The following RBM47 variants were observed in gnomAD, a reference collection of about 807,000 sequenced individuals.
RBM47 encodes RNA binding motif protein 47, also known as RNA-binding protein 47.
RBM47 carries 21 observed loss-of-function variants against 47.1 expected under a neutral mutation model. That is an observed-to-expected ratio of 0.45 (90% CI 0.32 to 0.64). The LOEUF (loss-of-function observed/expected upper bound fraction) is 0.64, where lower values mean the gene tolerates loss of function less well. RBM47 is among the 30% of genes least tolerant of loss of function. The pLI, the probability that RBM47 is intolerant of heterozygous loss-of-function variation, is 0.05. For missense variants in RBM47, 708 were observed against 870.9 expected (o/e 0.81, Z 2.35); for synonymous variants, 375 against 361.7 (o/e 1.04, Z -0.42).
At chr4:40,497,776 C>T (rs997681250) in intron 2 of RBM47, among the ~76,000 whole-genome samples, 1 of 149,998 alleles carries the variant, frequency 6.7e-6, no homozygotes, top group African/African-American at 2.5e-5. Context: ...GAGTTCAAAA[C>T]CAGCCTGGGC....
chr4:40,546,473 T>C (rs944433704), intron 1 of RBM47, among the ~76,000 whole-genome samples: 4 of 152,240 alleles, frequency 2.6e-5, no homozygotes, highest in Non-Finnish European at 4.4e-5. Flanking sequence ...GAAGATTTTA[T>C]TATACTACTG....
Position 40,498,057 on chromosome 4 carries a change from TATA to T in RBM47, c.-154-31361_-154-31359del, listed in dbSNP as rs1722863433. On this transcript the variant is annotated intron_variant, in intron 2 of 6. Coordinates refer to ENST00000295971, the MANE Select transcript of RBM47 (RefSeq NM_001098634.2). ...AAATAAAATGTAAGTGCTTGTTTTA[TATA>T]TATATATATATATATATATGTTTAT... 7.5e-5 allele frequency among the ~76,000 whole-genome samples: 5 copies of T among 66,350 alleles called. 1 individual carries two copies. Among genetic ancestry groups the T allele is most frequent in the East Asian group, 8.0e-4 (1 of 1,246 alleles). 43.5% of individuals were successfully genotyped at this position (66,350 alleles called of 152,430 possible).
chr4:40,512,811 G>T (rs1314061028), intron 2 of RBM47, among the ~76,000 whole-genome samples: 3 of 151,908 alleles, frequency 2.0e-5, no homozygotes, highest in African/African-American at 7.3e-5. Context: ...ACTGGTCAGG[G>T]TTTCTATTTT....
chr4:40,607,702 G>A (rs1156669687), intron 1 of RBM47, among the ~76,000 whole-genome samples: 3 of 150,788 alleles, frequency 2.0e-5, no homozygotes, highest in African/African-American at 4.9e-5. Flanking sequence ...GTGAGACCAT[G>A]TCTCAAAGTA....
At chr4:40,620,435 G>A (rs556869428) in intron 1 of RBM47, among the ~76,000 whole-genome samples, 2 of 152,046 alleles carry the variant, frequency 1.3e-5, no homozygotes, top group South Asian at 4.2e-4. Context: ...AGCCTGGGAG[G>A]TGGAGGTTGC....
At chr4:40,618,865 T>G (rs946000888) in intron 1 of RBM47, among the ~76,000 whole-genome samples, 3 of 149,996 alleles carry the variant, frequency 2.0e-5, no homozygotes, top group Non-Finnish European at 4.4e-5. Context: ...TTGGGATGTT[T>G]GAACAGGAAT....
Position 40,481,473 on chromosome 4 carries a change from TATTATTATTA to T in RBM47, c.-154-14784_-154-14775del, listed in dbSNP as rs1560406093. Reference sequence around the variant, plus strand: ...TTATTATTATTATTATTATTATTATTATTATTATTATTATTTTTATTTTTATTTTTGAGAT... The same window carrying T: ...TTATTATTATTATTATTATTATTATTTTATTTTTATTTTTATTTTTGAGAT... On this transcript the variant is annotated intron_variant, in intron 2 of 6. Transcript: ENST00000295971. Among the ~76,000 whole-genome samples the T allele has an allele frequency of 3.8e-5, 5 of 131,876 alleles. 1 individual carries two copies. The highest frequency in any genetic ancestry group is 1.3e-4 in the African/African-American group (5 of 37,390). 86.5% of individuals were successfully genotyped at this position (131,876 alleles called of 152,430 possible). A position where few individuals can be genotyped will look rare whatever the true frequency, so the allele number is the denominator to read the frequency against.
At chr4:40,538,686 G>A (rs1389735700) in intron 2 of RBM47, among the ~76,000 whole-genome samples, 1 of 151,904 alleles carries the variant, frequency 6.6e-6, no homozygotes, top group African/African-American at 2.4e-5. Flanking sequence ...GTCCAGGCTG[G>A]AGTGGAGTGG....
At chr4:40,606,540 G>A (rs576375650) in intron 1 of RBM47, among the ~76,000 whole-genome samples, 23 of 152,190 alleles carry the variant, frequency 1.5e-4, no homozygotes, top group Middle Eastern at 3.4e-3. Context: ...CAGTTTCACC[G>A]ACGGCCCGCC....
rs2154262579 is a variant in RBM47, at chr4:40,544,493, C to G, written c.-226G>C. 6.6e-6 allele frequency: 1 copy of G among 152,224 alleles called. No homozygotes were observed. Among genetic ancestry groups the G allele is most frequent in the South Asian group, 2.1e-4 (1 of 4,822 alleles). 9.4% of individuals were successfully genotyped at this position (152,224 alleles called of 1,614,324 possible). A position where few individuals can be genotyped will look rare whatever the true frequency, so the allele number is the denominator to read the frequency against. ...CTGACGCAGAGTCTCTTTCCAAGGCCTCCGTTACCTGAGCTGTGAAATGAA... is the reference window on the plus strand; with the variant it reads ...CTGACGCAGAGTCTCTTTCCAAGGCGTCCGTTACCTGAGCTGTGAAATGAA... On this transcript the variant is annotated 5_prime_UTR_variant, in exon 2 of 7. Transcript: ENST00000295971.
At chr4:40,581,725 T>TGTGC (rs113318453) in intron 1 of RBM47, among the ~76,000 whole-genome samples, 1 of 150,818 alleles carries the variant, frequency 6.6e-6, no homozygotes, top group South Asian at 2.1e-4. Flanking sequence ...GCCTTCAGGG[T>TGTGC]GTGTGTGAAG....
At position 40,535,619 on chromosome 4, in the gene RBM47, G is replaced by A. The variant is rs533622355; in HGVS notation, c.-155+8803C>T. Among the ~76,000 whole-genome samples the A allele has an allele frequency of 1.6e-4, 24 of 151,296 alleles. No individual in the cohort carries two copies. The South Asian group carries it at 5.0e-3, about 32-fold the overall frequency. ...CCTGTCGCCCAGGCTGGAGTGCAGT[G>A]GCGAGATCTCGGCTCACTGCAACCT... On this transcript the variant is annotated intron_variant, in intron 2 of 6. Transcript: ENST00000295971.
At chr4:40,535,371 C>CTTTTTTTTTTTTTTTTTCTT (rs1553897873) in intron 2 of RBM47, among the ~76,000 whole-genome samples, 2 of 103,434 alleles carry the variant, frequency 1.9e-5, no homozygotes, top group Non-Finnish European at 1.9e-5. Flanking sequence ...TATGGTATTT[C>CTTTTTTTTTTTTTTTTTCTT]TTTTTTTTTT....
At chr4:40,584,032 C>T (rs143065163) in intron 1 of RBM47, among the ~76,000 whole-genome samples, 2,320 of 152,056 alleles carry the variant, frequency 0.015, 38 homozygotes, top group African/African-American at 0.046. Flanking sequence ...AGTGCAGTGA[C>T]GCAATCTTGG....
chr4:40,543,421 T>G (rs1728730473), intron 2 of RBM47: 1 of 152,138 alleles, frequency 6.6e-6, no homozygotes, highest in Non-Finnish European at 1.5e-5. Context: ...CGCCCACTAT[T>G]TACAAGGTCC....
At chr4:40,611,465 C>T (rs994193559) in intron 1 of RBM47, among the ~76,000 whole-genome samples, 3 of 152,014 alleles carry the variant, frequency 2.0e-5, no homozygotes, top group African/African-American at 2.4e-5. Flanking sequence ...CGGTGGCTCA[C>T]GCCTGTAATC....
At chr4:40,426,168 C>T in intron 6 of RBM47, 25 bp from the exon 7 acceptor site, 1 of 1,609,348 alleles carries the variant, frequency 6.2e-7, no homozygotes, top group South Asian at 1.1e-5. Flanking sequence ...CAAAAAGGAG[C>T]CTTCCTGAAC....
intron 2 of RBM47, among the ~76,000 whole-genome samples, chr4:40,493,730 G>T (rs1722204619): frequency 6.7e-6 from 1 of 149,938 alleles, no homozygotes; most frequent in African/African-American, 2.4e-5. Context: ...GCAGTGGCTG[G>T]CACTGCACTC....
chr4:40,452,662 C>CA, intron 3 of RBM47, among the ~76,000 whole-genome samples: 1 of 149,808 alleles, frequency 6.7e-6, no homozygotes, highest in South Asian at 2.1e-4. Context: ...AAACATCCGC[C>CA]TTTTCATAAT....
Sources: gnomAD v4.1 joint callset for allele counts (sites outside exome capture counted in the v4.1 genomes callset) on GRCh38, gnomAD v4.1.1 for gene constraint, MANE v1.5 for transcripts, NCBI Gene and HGNC (gene_info 2026-07-23, HGNC 2026-07-21) for gene names.